The following NOX4 variants were observed in gnomAD, a reference collection of about 807,000 sequenced individuals.
The protein encoded by NOX4 is kidney oxidase-1.
Under a neutral mutation model 87.6 loss-of-function variants are expected in NOX4, and 69 were observed. The observed-to-expected ratio is 0.79, with a 90% CI of 0.65 to 0.96. NOX4 has a LOEUF of 0.96. Among genes scored for constraint, NOX4 ranks in the 40% least tolerant of loss-of-function variants. NOX4 has a pLI of 0.00. For missense variants in NOX4, 680 were observed against 681.5 expected (o/e 1.00, Z 0.02); for synonymous variants, 275 against 238.2 (o/e 1.15, Z -1.42).
the NOX4 span, chr11:89,577,141 T>C: frequency 6.6e-6 from 1 of 152,036 alleles, no homozygotes; most frequent in African/African-American, 2.4e-5. Flanking sequence ...GTAAAAGAGC[T>C]CAAGCAGCAG....
chr11:89,330,267 T>C (rs1945414333), intron 17 of NOX4, among the ~76,000 whole-genome samples: 1 of 152,020 alleles, frequency 6.6e-6, no homozygotes. Context: ...GAAGAGCTCT[T>C]GAGCCCAGGA....
At chr11:89,333,247 A>T (rs1200661647) in intron 17 of NOX4, among the ~76,000 whole-genome samples, 1 of 151,894 alleles carries the variant, frequency 6.6e-6, no homozygotes, top group African/African-American at 2.4e-5. Flanking sequence ...ATCATTAAAA[A>T]GTTAGCTCGT....
the NOX4 span, among the ~76,000 whole-genome samples, chr11:89,559,836 C>T: frequency 1.2e-4 from 18 of 152,168 alleles, no homozygotes; most frequent in African/African-American, 4.3e-4. Context: ...AAAAGTAATG[C>T]AGACAGAGGA....
chr11:89,349,446 G>A (rs1946361178), intron 13 of NOX4, among the ~76,000 whole-genome samples: 1 of 152,114 alleles, frequency 6.6e-6, no homozygotes, highest in Non-Finnish European at 1.5e-5. Context: ...GAGAAAGGAG[G>A]ATAAGCTGGA....
Position 89,483,144 on chromosome 11 carries a change from A to C in NOX4, c.153+7314T>G, listed in dbSNP as rs376661759. On this transcript the variant is annotated intron_variant, in intron 2 of 17. Coordinates refer to ENST00000263317, the MANE Select transcript of NOX4 (RefSeq NM_016931.5). ...ACTGTTGTTACAAGGATTCAATTAA[A>C]TATAAGGATTAAATGAGATTATAAA... Among the ~76,000 whole-genome samples, 198 of 152,238 alleles carry C rather than the reference A, an allele frequency of 1.3e-3. 8 individuals carry two copies. The South Asian group carries it at 0.038, about 29-fold the overall frequency.
At chr11:89,337,792 T>A (rs553079333) in intron 15 of NOX4, among the ~76,000 whole-genome samples, 1 of 152,202 alleles carries the variant, frequency 6.6e-6, no homozygotes, top group East Asian at 1.9e-4. Flanking sequence ...TTTAGCATGC[T>A]GAATGCTGTA....
chr11:89,483,272 A>G (rs1238665544), intron 2 of NOX4, among the ~76,000 whole-genome samples: 1 of 152,052 alleles, frequency 6.6e-6, no homozygotes, highest in Admixed American at 6.6e-5. Context: ...ACTGTTTCTG[A>G]TCTACCAATC....
At chr11:89,495,818 T>A (rs1052014039), upstream of NOX4, among the ~76,000 whole-genome samples, 3 of 152,174 alleles carry the variant, frequency 2.0e-5, no homozygotes, top group African/African-American at 7.2e-5. Flanking sequence ...TCTTAACCAT[T>A]GTAATTTGAT....
chr11:89,578,180 T>TTGA, the NOX4 span, among the ~76,000 whole-genome samples: 5 of 140,286 alleles, frequency 3.6e-5, no homozygotes, highest in African/African-American at 1.4e-4. Context: ...TTTTTTTTTT[T>TTGA]GAAACAGAGT....
chr11:89,432,173 G>A (rs1295661803), intron 7 of NOX4, among the ~76,000 whole-genome samples: 1 of 151,958 alleles, frequency 6.6e-6, no homozygotes, highest in Admixed American at 6.6e-5. Context: ...GACACAGGAA[G>A]GGGAACATCA....
At chr11:89,429,482 A>C (rs1943654437) in intron 7 of NOX4, among the ~76,000 whole-genome samples, 1 of 152,204 alleles carries the variant, frequency 6.6e-6, no homozygotes, top group African/African-American at 2.4e-5. Flanking sequence ...TAAAGAAGAA[A>C]AGAGAGAAGA....
rs113200553 is a variant in NOX4, at chr11:89,352,325, A to G, written c.1217+2637T>C. Among the ~76,000 whole-genome samples the G allele has an allele frequency of 1.2e-3, 182 of 152,270 alleles. 4 individuals carry two copies. Among genetic ancestry groups the G allele is most frequent in the African/African-American group, 3.9e-3 (163 of 41,528 alleles). ...CCTAGTCAACCAACAGCTATGATGT[A>G]GATGTACAAGGAGATGAATGTTGTT... On this transcript the variant is annotated intron_variant, in intron 13 of 17. Coordinates refer to ENST00000263317, the MANE Select transcript of NOX4 (RefSeq NM_016931.5).
chr11:89,468,123 C>A (rs1360933737), intron 2 of NOX4, among the ~76,000 whole-genome samples: 1 of 152,128 alleles, frequency 6.6e-6, no homozygotes, highest in Non-Finnish European at 1.5e-5. Context: ...CTCTGACAGT[C>A]CCCAACCAAA....
chr11:89,392,562 C>A (rs564362493), intron 11 of NOX4, among the ~76,000 whole-genome samples: 1 of 152,236 alleles, frequency 6.6e-6, no homozygotes, highest in East Asian at 1.9e-4. Flanking sequence ...AAGAACAAAC[C>A]TTTCATTTAT....
intron 8 of NOX4, among the ~76,000 whole-genome samples, chr11:89,405,826 A>G (rs7929532): frequency 0.092 from 14,002 of 151,642 alleles, 783 homozygotes; most frequent in South Asian, 0.19. Flanking sequence ...TCCCAACACA[A>G]TAATGTCAGT....
Position 89,491,336 on chromosome 11 carries a change from G to T in NOX4, c.-90C>A. The T allele has an allele frequency of 8.2e-7, 1 of 1,224,358 alleles. No homozygotes were observed. Among genetic ancestry groups the T allele is most frequent in the African/African-American group, 1.5e-5 (1 of 65,248 alleles). The allele number at this position is 1,224,358 out of a possible 1,614,324, so 75.8% of individuals were successfully genotyped here. A position where few individuals can be genotyped will look rare whatever the true frequency, so the allele number is the denominator to read the frequency against. On this transcript the variant is annotated 5_prime_UTR_variant, in exon 1 of 18. Coordinates refer to ENST00000263317, the MANE Select transcript of NOX4 (RefSeq NM_016931.5). ...GGCAGCGGTTACAGTTGTGCGGCCT[G>T]CCGGGCCGCTGAGCGAGGACCGAGG...
chr11:89,523,602 T>C, the NOX4 span, among the ~76,000 whole-genome samples: 5 of 152,192 alleles, frequency 3.3e-5, no homozygotes, highest in Admixed American at 1.3e-4. Context: ...GAGATTCTTA[T>C]CACACATTCC....
At chr11:89,432,750 G>T (rs1395414736) in intron 7 of NOX4, 34 bp downstream of exon 7, 1 of 1,442,776 alleles carries the variant, frequency 6.9e-7, no homozygotes, top group South Asian at 1.2e-5. Context: ...TAACCTGACA[G>T]ATACACATCA....
the NOX4 span, among the ~76,000 whole-genome samples, chr11:89,585,835 C>T: frequency 6.6e-6 from 1 of 152,204 alleles, no homozygotes; most frequent in Non-Finnish European, 1.5e-5. Context: ...CACTCCTGAA[C>T]ATATTTTAAA....
Sources: gnomAD v4.1 joint callset for allele counts (sites outside exome capture counted in the v4.1 genomes callset) on GRCh38, gnomAD v4.1.1 for gene constraint, MANE v1.5 for transcripts, NCBI Gene and HGNC (gene_info 2026-07-23, HGNC 2026-07-21) for gene names.